Variants in MRTFA observed in about 807,000 individuals in gnomAD.
The protein encoded by MRTFA is myocardin-related transcription factor A.
MRTFA carries 20 observed loss-of-function variants against 83.5 expected under a neutral mutation model. The observed-to-expected ratio is 0.24, with a 90% CI of 0.17 to 0.35. MRTFA has a LOEUF of 0.35. Among genes scored for constraint, MRTFA ranks in the 10% least tolerant of loss-of-function variants. The probability of loss-of-function intolerance (pLI) is 1.00; values close to 1 mark genes in which losing one functional copy is unlikely to be tolerated. For missense variants in MRTFA, 1,200 were observed against 1,224.7 expected (o/e 0.98, Z 0.30); for synonymous variants, 659 against 541.2 (o/e 1.22, Z -3.02).
intron 1 of MRTFA, among the ~76,000 whole-genome samples, chr22:40,610,805 T>G (rs1053190614): frequency 3.3e-5 from 5 of 150,968 alleles, no homozygotes; most frequent in African/African-American, 1.2e-4. Flanking sequence ...AAAAAAAGTC[T>G]TGGAGGGAAA....
intron 4 of MRTFA, among the ~76,000 whole-genome samples, chr22:40,440,144 T>G (rs1025128623): frequency 1.7e-5 from 2 of 120,384 alleles, no homozygotes; most frequent in African/African-American, 6.7e-5. Flanking sequence ...AGAGTGAGAC[T>G]CCGTCTCAAA....
intron 3 of MRTFA, among the ~76,000 whole-genome samples, chr22:40,542,219 C>T (rs145653589): frequency 0.018 from 2,773 of 152,248 alleles, 38 homozygotes; most frequent in Non-Finnish European, 0.026. Context: ...CCCCCTACCC[C>T]TGTCTTCACA....
rs117090698 is a variant in MRTFA, at chr22:40,481,398, G to T, written c.242-18112C>A. ...ATACTTACAGGTGATAAAACAACAT[G>T]AACAGATAAGGTCAATATTTATAGG... On this transcript the variant is annotated intron_variant, in intron 3 of 14. Transcript: ENST00000355630. Among the ~76,000 whole-genome samples, 7 of 152,210 alleles carry T rather than the reference G, an allele frequency of 4.6e-5. No individual in the cohort carries two copies. The East Asian group carries it at 9.7e-4, about 21-fold the overall frequency.
chr22:40,633,222 T>G (rs532866318), intron 1 of MRTFA, among the ~76,000 whole-genome samples: 107 of 152,300 alleles, frequency 7.0e-4, no homozygotes, highest in Non-Finnish European at 1.1e-3. Flanking sequence ...TGTGAATATA[T>G]ATACACACAC....
At chr22:40,623,176 C>T (rs559132109) in intron 1 of MRTFA, among the ~76,000 whole-genome samples, 7 of 152,272 alleles carry the variant, frequency 4.6e-5, no homozygotes, top group African/African-American at 1.2e-4. Context: ...TTATAATTTA[C>T]TTTGAATACC....
intron 1 of MRTFA, among the ~76,000 whole-genome samples, chr22:40,620,404 G>A (rs558397346): frequency 2.0e-5 from 3 of 149,274 alleles, no homozygotes; most frequent in East Asian, 2.0e-4. Context: ...GATTACAGGC[G>A]TGAGCCACAA....
chr22:40,607,724 C>A (rs932333365), intron 1 of MRTFA, among the ~76,000 whole-genome samples: 34 of 152,210 alleles, frequency 2.2e-4, no homozygotes, highest in African/African-American at 7.2e-4. Context: ...TCATCCATTT[C>A]TATGATCACT....
At chr22:40,441,719 G>A (rs756423912) in intron 4 of MRTFA, among the ~76,000 whole-genome samples, 4 of 151,830 alleles carry the variant, frequency 2.6e-5, no homozygotes, top group Non-Finnish European at 4.4e-5. Flanking sequence ...CCTGGGAGGC[G>A]AAGGTTGCAG....
intron 3 of MRTFA, among the ~76,000 whole-genome samples, chr22:40,542,218 CCT>C (rs1036963041): frequency 2.6e-5 from 4 of 152,266 alleles, no homozygotes; most frequent in East Asian, 3.9e-4. Flanking sequence ...ACCCCCTACC[CCT>C]GTCTTCACAC....
chr22:40,519,581 C>T (rs1344940571), intron 3 of MRTFA: 25 of 1,343,126 alleles, frequency 1.9e-5, no homozygotes, highest in Non-Finnish European at 2.3e-5. Flanking sequence ...GGCAATCACG[C>T]TGATTTGTTA....
Position 40,431,441 on chromosome 22 carries a change from C to T in MRTFA, c.403G>A (p.Glu135Lys), listed in dbSNP as rs747822811. The change falls in exon 6 of 15, where the codon GAG (glutamate) becomes AAG (lysine). Residue 135 changes from glutamate to lysine, a missense_variant. Around this residue, in one of 2 missense-constraint regions of MRTFA, gnomAD observed 93 missense variants for 182.9 expected, o/e 0.51. Transcript: ENST00000355630. ...TGCATCCTGACCAGCTCCGATCTCT[C>T]CGGCCGGGAACGAATCTTCCGTTTG... 8 of 1,614,040 alleles carry T rather than the reference C, an allele frequency of 5.0e-6. No homozygotes were observed.
chr22:40,457,771 T>C (rs1028928244), intron 4 of MRTFA, among the ~76,000 whole-genome samples: 2 of 152,206 alleles, frequency 1.3e-5, no homozygotes, highest in African/African-American at 4.8e-5. Context: ...ACTGTAGCAT[T>C]AGAAACATGG....
intron 1 of MRTFA, among the ~76,000 whole-genome samples, chr22:40,627,467 T>G (rs550393441): frequency 6.6e-6 from 1 of 152,274 alleles, no homozygotes; most frequent in South Asian, 2.1e-4. Context: ...ACTATTATAG[T>G]TTTCCACCTC....
intron 3 of MRTFA, among the ~76,000 whole-genome samples, chr22:40,502,056 C>T (rs1602346834): frequency 1.5e-4 from 20 of 135,592 alleles, no homozygotes; most frequent in South Asian, 4.8e-4. Context: ...CCCTCCCGGA[C>T]GGGGTGGCTG....
chr22:40,431,511 A>C (rs1419149045), intron 5 of MRTFA, 31 bp from the exon 6 acceptor site: 1 of 1,604,170 alleles, frequency 6.2e-7, no homozygotes, highest in Non-Finnish European at 8.5e-7. Flanking sequence ...GAAACTCTCA[A>C]ATCCAGGTCA....
At chr22:40,472,032 T>C (rs2053924940) in intron 3 of MRTFA, among the ~76,000 whole-genome samples, 1 of 152,174 alleles carries the variant, frequency 6.6e-6, no homozygotes, top group Non-Finnish European at 1.5e-5. Context: ...GAATATGCCT[T>C]ATTAACATAG....
intron 3 of MRTFA, among the ~76,000 whole-genome samples, chr22:40,518,548 C>T (rs760507620): frequency 1.3e-5 from 2 of 151,884 alleles, no homozygotes; most frequent in Non-Finnish European, 2.9e-5. Context: ...AATGCCAGCA[C>T]TTTGGGAGGC....
intron 5 of MRTFA, among the ~76,000 whole-genome samples, chr22:40,435,128 A>C (rs1020503783): frequency 2.6e-5 from 4 of 152,184 alleles, no homozygotes; most frequent in African/African-American, 9.7e-5. Context: ...TCCATTGGCT[A>C]ATGTTTGTGT....
At chr22:40,448,643 G>A (rs1423324413) in intron 4 of MRTFA, among the ~76,000 whole-genome samples, 1 of 152,186 alleles carries the variant, frequency 6.6e-6, no homozygotes, top group Non-Finnish European at 1.5e-5. Flanking sequence ...AGACAGCAGG[G>A]AAGGCTTCAG....
Sources: allele counts gnomAD v4.1 joint callset (sites outside exome capture counted in the v4.1 genomes callset), GRCh38; gene constraint gnomAD v4.1.1; regional missense constraint gnomAD v4.1.1; transcripts MANE v1.5; gene names NCBI Gene and HGNC (gene_info 2026-07-23, HGNC 2026-07-21).